Variants in TENM2 observed in about 807,000 individuals in gnomAD.
TENM2 encodes teneurin transmembrane protein 2, also known as teneurin-2.
Under a neutral mutation model 245.2 loss-of-function variants are expected in TENM2, and 52 were observed. That is an observed-to-expected ratio of 0.21 (90% CI 0.17 to 0.27). The LOEUF is 0.27. Ranked by LOEUF, TENM2 falls within the 10% of genes least tolerant of loss-of-function variation. The pLI is 1.00. For synonymous variants in TENM2, 1,363 were observed against 1,438.9 expected, an observed-to-expected ratio of 0.95 and a Z score of 1.19; for missense variants, 3,046 against 3,666.8, an observed-to-expected ratio of 0.83 and a Z score of 4.37.
chr5:167,540,889 A>G (rs1012722741), intron 2 of TENM2, among the ~76,000 whole-genome samples: 5 of 152,196 alleles, frequency 3.3e-5, no homozygotes, highest in Admixed American at 6.5e-5. Context: ...ATAGTAGATA[A>G]AGAGTAAAAG....
intron 5 of TENM2, among the ~76,000 whole-genome samples, chr5:167,995,303 A>G (rs1015086054): frequency 2.0e-5 from 3 of 152,214 alleles, no homozygotes; most frequent in African/African-American, 7.2e-5. Context: ...TGTAACTTGT[A>G]AATGATAGAT....
intron 5 of TENM2, among the ~76,000 whole-genome samples, chr5:168,004,506 TGC>T (rs760281726): frequency 0.014 from 1,342 of 97,736 alleles, 26 homozygotes; most frequent in Middle Eastern, 0.051. Context: ...GATGCACGCA[TGC>T]GCGCGCGCGC....
At chr5:167,466,062 C>T (rs538887212) in intron 2 of TENM2, among the ~76,000 whole-genome samples, 2 of 152,254 alleles carry the variant, frequency 1.3e-5, no homozygotes, top group Non-Finnish European at 2.9e-5. Context: ...CCCCTCTCCC[C>T]CCTCAGTCTG....
chr5:167,875,893 T>A, intron 2 of TENM2, 93 bp from the exon 5 acceptor site: 3 of 747,618 alleles, frequency 4.0e-6, no homozygotes, highest in Non-Finnish European at 6.5e-6. Context: ...TTTTTTTTAA[T>A]ATTTATATTG....
intron 12 of TENM2, among the ~76,000 whole-genome samples, chr5:168,133,165 T>A (rs1042673023): frequency 5.9e-5 from 9 of 152,202 alleles, no homozygotes; most frequent in African/African-American, 2.2e-4. Flanking sequence ...TTCATTGGTG[T>A]ACAAATATAC....
the TENM2 span, among the ~76,000 whole-genome samples, chr5:167,172,887 C>G: frequency 6.6e-6 from 1 of 152,242 alleles, no homozygotes. Flanking sequence ...GGGAAAGTCT[C>G]TTCTCTTTTT....
intron 25 of TENM2, chr5:168,231,189 G>GA (rs1333836242): frequency 6.6e-6 from 1 of 152,242 alleles, no homozygotes; most frequent in Non-Finnish European, 1.5e-5. Context: ...GGGAAGCCTG[G>GA]AAAATGTTGT....
intron 3 of TENM2, among the ~76,000 whole-genome samples, chr5:167,899,614 A>G (rs912974248): frequency 6.6e-6 from 1 of 152,160 alleles, no homozygotes; most frequent in African/African-American, 2.4e-5. Flanking sequence ...CAGGAAGTCC[A>G]GCTCCCGAGA....
intron 2 of TENM2, among the ~76,000 whole-genome samples, chr5:167,437,518 A>G (rs1435260172): frequency 6.6e-6 from 1 of 152,052 alleles, no homozygotes; most frequent in Admixed American, 6.5e-5. Context: ...ATGAGTTAAG[A>G]TTTTGGGGGA....
the TENM2 span, among the ~76,000 whole-genome samples, chr5:167,198,528 A>G: frequency 6.6e-6 from 1 of 152,128 alleles, no homozygotes; most frequent in Non-Finnish European, 1.5e-5. Context: ...CATAGAACTT[A>G]CTGGACTTCT....
chr5:167,249,879 A>G, the TENM2 span, among the ~76,000 whole-genome samples: 2 of 152,172 alleles, frequency 1.3e-5, no homozygotes. Context: ...CCCTGCCCCT[A>G]GAAGACTGCC....
At chr5:168,033,495 A>G (rs973226709) in intron 5 of TENM2, among the ~76,000 whole-genome samples, 2 of 152,190 alleles carry the variant, frequency 1.3e-5, no homozygotes, top group African/African-American at 2.4e-5. Flanking sequence ...AAAAGCAGGT[A>G]TAAGAATTCA....
intron 2 of TENM2, among the ~76,000 whole-genome samples, chr5:167,847,050 G>C (rs553045119): frequency 6.6e-6 from 1 of 152,248 alleles, no homozygotes; most frequent in African/African-American, 2.4e-5. Flanking sequence ...TCAACCTCCT[G>C]GGCTCAAGCC....
chr5:168,226,889 C>CTTTTAATTAA (rs1764239565), intron 24 of TENM2, among the ~76,000 whole-genome samples: 1 of 152,168 alleles, frequency 6.6e-6, no homozygotes, highest in Non-Finnish European at 1.5e-5. Context: ...GATATAATGT[C>CTTTTAATTAA]GGTGGGCTAG....
the TENM2 span, among the ~76,000 whole-genome samples, chr5:167,216,178 G>GCAGTCA: frequency 4.6e-5 from 7 of 152,290 alleles, no homozygotes; most frequent in Admixed American, 2.0e-4. Flanking sequence ...GAAAGCGAAG[G>GCAGTCA]CAGTCACATT....
intron 13 of TENM2, among the ~76,000 whole-genome samples, chr5:168,182,268 A>G (rs1177330134): frequency 1.3e-5 from 2 of 152,170 alleles, no homozygotes; most frequent in African/African-American, 4.8e-5. Context: ...CTCACTTCCA[A>G]CTTGTCAGCA....
intron 2 of TENM2, among the ~76,000 whole-genome samples, chr5:167,419,380 G>A (rs115939353): frequency 0.012 from 1,837 of 152,238 alleles, 21 homozygotes; most frequent in Non-Finnish European, 0.019. Context: ...GAGAATGGCT[G>A]AGCCTGGGAG....
chr5:167,890,936 G>GT (rs1170700592), intron 3 of TENM2, among the ~76,000 whole-genome samples: 1 of 152,168 alleles, frequency 6.6e-6, no homozygotes, highest in African/African-American at 2.4e-5. Flanking sequence ...TGAGGAAGAT[G>GT]TAGAAGGTAT....
intron 2 of TENM2, among the ~76,000 whole-genome samples, chr5:167,832,147 T>C (rs1356917482): frequency 6.6e-6 from 1 of 152,238 alleles, no homozygotes; most frequent in Non-Finnish European, 1.5e-5. Flanking sequence ...GTATCTCTTT[T>C]AATTGGCTTT....
Sources: gnomAD v4.1 joint callset for allele counts (sites outside exome capture counted in the v4.1 genomes callset) on GRCh38, gnomAD v4.1.1 for gene constraint, MANE v1.5 for transcripts, NCBI Gene and HGNC (gene_info 2026-07-23, HGNC 2026-07-21) for gene names.